Variants in RASSF6 observed in about 807,000 individuals in gnomAD.
RASSF6 encodes ras association domain-containing protein 6.
A neutral mutation model predicts 44.0 loss-of-function variants in RASSF6; 52 were observed. That is an observed-to-expected ratio of 1.18 (90% CI 0.95 to 1.49). The LOEUF (loss-of-function observed/expected upper bound fraction) is 1.49. Among genes scored for constraint, RASSF6 ranks in the 40% most tolerant of loss-of-function variants. The probability of loss-of-function intolerance (pLI) is 0.00; values close to 1 mark genes in which losing one functional copy is unlikely to be tolerated. For synonymous variants in RASSF6, 162 were observed against 124.6 expected (o/e 1.30, Z -2.00); for missense variants, 464 against 393.3 (o/e 1.18, Z -1.52).
At chr4:73,591,264 T>G (rs1358958397) in intron 4 of RASSF6, among the ~76,000 whole-genome samples, 1 of 152,218 alleles carries the variant, frequency 6.6e-6, no homozygotes, top group Non-Finnish European at 1.5e-5. Flanking sequence ...ATAGAATTAT[T>G]ATTTGTCAAT....
chr4:73,582,363 CTT>C (rs1723730529), intron 6 of RASSF6, 73 bp from the exon 7 acceptor site: 5 of 371,992 alleles, frequency 1.3e-5, no homozygotes, highest in Non-Finnish European at 2.1e-5. Flanking sequence ...TGAACATAAT[CTT>C]CTTATAGGGC....
At chr4:73,590,293 C>T (rs1376028266) in intron 4 of RASSF6, among the ~76,000 whole-genome samples, 8 of 152,020 alleles carry the variant, frequency 5.3e-5, no homozygotes, top group South Asian at 2.1e-4. Context: ...CCAATGATTC[C>T]GTCAAAGAGA....
intron 2 of RASSF6, among the ~76,000 whole-genome samples, 174 bp downstream of exon 2, chr4:73,611,557 G>A (rs777749678): frequency 1.3e-5 from 2 of 151,830 alleles, no homozygotes; most frequent in Non-Finnish European, 2.9e-5. Context: ...TGTTCCATGA[G>A]AGTAAATTTG....
At chr4:73,589,303 T>C (rs1462542486) in intron 4 of RASSF6, among the ~76,000 whole-genome samples, 3 of 152,176 alleles carry the variant, frequency 2.0e-5, no homozygotes, top group Admixed American at 6.6e-5. Context: ...ATTAGTCTTA[T>C]GGCAGATAAA....
At chr4:73,586,367 G>A (rs920666872) in intron 5 of RASSF6, among the ~76,000 whole-genome samples, 6 of 151,888 alleles carry the variant, frequency 4.0e-5, no homozygotes, top group African/African-American at 1.4e-4. Flanking sequence ...AGATTTTAGA[G>A]TATAAAATTA....
intron 1 of RASSF6, among the ~76,000 whole-genome samples, chr4:73,613,224 C>T (rs1293444948): frequency 6.6e-6 from 1 of 152,200 alleles, no homozygotes; most frequent in Non-Finnish European, 1.5e-5. Flanking sequence ...TGGCAGGTCT[C>T]ATGCAGGACA....
chr4:73,610,329 C>G (rs969125456), intron 2 of RASSF6, among the ~76,000 whole-genome samples: 3 of 152,186 alleles, frequency 2.0e-5, no homozygotes, highest in Admixed American at 6.5e-5. Flanking sequence ...CCACCCTGGA[C>G]TGTCAGCTCC....
At chr4:73,614,369 G>A (rs938529016) in intron 1 of RASSF6, among the ~76,000 whole-genome samples, 17 of 152,194 alleles carry the variant, frequency 1.1e-4, no homozygotes, top group South Asian at 2.1e-4. Flanking sequence ...GACTTTAGGA[G>A]GTGATTAGTT....
intron 5 of RASSF6, among the ~76,000 whole-genome samples, chr4:73,586,395 AC>A (rs1280948960): frequency 6.6e-6 from 1 of 151,898 alleles, no homozygotes; most frequent in Non-Finnish European, 1.5e-5. Context: ...GCGTTGAACA[AC>A]TCTAGTATCT....
Position 73,574,234 on chromosome 4 carries a change from C to G in RASSF6, c.*2001G>C, listed in dbSNP as rs961236789. ...TTGCCTGAGCTTTGTCTTGTGCAGT[C>G]TCGTCACACAAAGTTATGCTAGGTT... On this transcript the variant is annotated 3_prime_UTR_variant, in exon 11 of 11. Transcript: ENST00000307439. The G allele has an allele frequency of 6.6e-6, 1 of 152,476 alleles. No homozygotes were observed. Among genetic ancestry groups the G allele is most frequent in the Non-Finnish European group, 1.5e-5 (1 of 68,234 alleles). 9.4% of individuals were successfully genotyped at this position (152,476 alleles called of 1,614,324 possible).
At chr4:73,611,152 T>C (rs370830266) in intron 2 of RASSF6, among the ~76,000 whole-genome samples, 8 of 152,312 alleles carry the variant, frequency 5.3e-5, no homozygotes, top group African/African-American at 1.9e-4. Flanking sequence ...TTTTTCATGA[T>C]TTCATCTCCT....
At chr4:73,580,014 C>A in intron 8 of RASSF6, among the ~76,000 whole-genome samples, 1 of 115,538 alleles carries the variant, frequency 8.7e-6, no homozygotes, top group Non-Finnish European at 1.7e-5. Flanking sequence ...TAATGCTATC[C>A]CTCCCCCCTC....
chr4:73,601,035 T>C (rs909028446), intron 2 of RASSF6, among the ~76,000 whole-genome samples: 1 of 152,240 alleles, frequency 6.6e-6, no homozygotes, highest in African/African-American at 2.4e-5. Flanking sequence ...CTGTGAGAGT[T>C]GTTATGAAAG....
intron 4 of RASSF6, 112 bp from the exon 5 acceptor site, chr4:73,588,046 T>C (rs1268383463): frequency 1.7e-6 from 1 of 580,172 alleles, no homozygotes; most frequent in Non-Finnish European, 3.1e-6. Context: ...TGTAGGTGGA[T>C]ATATTGTCCA....
At position 73,576,506 on chromosome 4, in the gene RASSF6, A is replaced by T; in HGVS notation, c.842T>A (p.Val281Glu). 6.4e-7 allele frequency: 1 copy of T among 1,569,446 alleles called. No homozygotes were observed. Among genetic ancestry groups the T allele is most frequent in the Non-Finnish European group, 8.6e-7 (1 of 1,157,000 alleles). ...AAAGTGAAAGTTAATGTACTGAGCC[A>T]CCTAAGAAAGAAGAAGAAGAAAAAA... The part of the protein sequence containing the change: ...DKDAEEISSD[V>E]AQYINFHFSL... The change falls in exon 10 of 11, where the codon GTG becomes GAG. Residue 281 changes from valine to glutamate, a missense_variant and splice_region_variant. Coordinates refer to ENST00000307439, the MANE Select transcript of RASSF6 (RefSeq NM_177532.5).
At chr4:73,577,757 G>C (rs1723331549) in intron 8 of RASSF6, among the ~76,000 whole-genome samples, 2 of 152,116 alleles carry the variant, frequency 1.3e-5, no homozygotes, top group African/African-American at 4.8e-5. Context: ...ACTTGGCTTA[G>C]CATCCTCTTG....
chr4:73,581,775 G>T, intron 8 of RASSF6, 42 bp downstream of exon 8: 1 of 1,377,214 alleles, frequency 7.3e-7, no homozygotes, highest in Non-Finnish European at 1.0e-6. Context: ...GCAAACTGTA[G>T]CACTCTAGAG....
At chr4:73,616,477 A>C (rs1281218834) in intron 1 of RASSF6, among the ~76,000 whole-genome samples, 1 of 152,178 alleles carries the variant, frequency 6.6e-6, no homozygotes, top group Non-Finnish European at 1.5e-5. Context: ...AAGTGAGTGA[A>C]TATATGCAGG....
At position 73,611,789 on chromosome 4, in the gene RASSF6, T is replaced by C. The variant is rs781778944; in HGVS notation, c.7A>G (p.Met3Val). ...CAAGAGGGGTACTGGTGAGCCATCA[T>C]AGTCATCTTTTCCTCCTTTTTGAGA... MT[M>V]MAHQYPSWIF... Residue 3 changes from methionine to valine, a missense_variant, in exon 2 of 11, where the codon ATG becomes GTG. Coordinates refer to ENST00000307439, the MANE Select transcript of RASSF6 (RefSeq NM_177532.5). The C allele has an allele frequency of 6.2e-7, 1 of 1,611,472 alleles. No homozygotes were observed. Among genetic ancestry groups the C allele is most frequent in the Non-Finnish European group, 8.5e-7 (1 of 1,178,030 alleles).
Sources: gnomAD v4.1 joint callset for allele counts (sites outside exome capture counted in the v4.1 genomes callset) on GRCh38, gnomAD v4.1.1 for gene constraint, MANE v1.5 for transcripts, NCBI Gene and HGNC (gene_info 2026-07-23, HGNC 2026-07-21) for gene names.